Variants in VAV2 observed in about 807,000 individuals in gnomAD.
VAV2 encodes the protein vav guanine nucleotide exchange factor 2, also known as guanine nucleotide exchange factor VAV2.
Under a neutral mutation model 132.5 loss-of-function variants are expected in VAV2, and 67 were observed. The observed-to-expected ratio is 0.51, with a 90% CI of 0.42 to 0.62. The LOEUF (loss-of-function observed/expected upper bound fraction) is 0.62, where lower values mean the gene tolerates loss of function less well. Ranked by LOEUF, VAV2 falls within the 20% of genes least tolerant of loss-of-function variation. The pLI is 0.00. For synonymous variants in VAV2, 492 were observed against 443.5 expected (o/e 1.11, Z -1.37); for missense variants, 938 against 1,153.6 (o/e 0.81, Z 2.71).
At chr9:133,862,563 C>A (rs1837639698) in intron 2 of VAV2, among the ~76,000 whole-genome samples, 1 of 152,170 alleles carries the variant, frequency 6.6e-6, no homozygotes. Flanking sequence ...TGCACGGCTG[C>A]GCAGCTGTAT....
At chr9:133,925,979 T>G (rs2132090354) in intron 2 of VAV2, 1 of 106,036 alleles carries the variant, frequency 9.4e-6, no homozygotes, top group South Asian at 3.1e-4. Context: ...ATTTAAAACT[T>G]AATTAACTGT....
intron 2 of VAV2, among the ~76,000 whole-genome samples, chr9:133,889,369 G>A (rs1382785875): frequency 1.3e-5 from 2 of 152,172 alleles, no homozygotes; most frequent in Non-Finnish European, 2.9e-5. Context: ...TGGCTTTCTA[G>A]ACTGGCCTGA....
rs138063876 is a variant in VAV2, at chr9:133,791,794, T to C, written c.1177A>G (p.Ile393Val). The C allele has an allele frequency of 3.2e-5, 52 of 1,614,148 alleles. No individual in the cohort carries two copies. The highest frequency in any genetic ancestry group is 2.1e-4 in the South Asian group (19 of 91,088). Reference protein sequence around the residue: ...LRKISEFQSSIENLQVKLEEF... With the variant: ...LRKISEFQSSVENLQVKLEEF... ...TCAGTCTCACTCACCAAATTTTCTA[T>C]AGAACTCTGAAATTCGCTGATTTTC... Residue 393 changes from isoleucine to valine, a missense_variant, in exon 13 of 30, where the codon ATA (isoleucine) becomes GTA (valine). Coordinates refer to ENST00000371850, the MANE Select transcript of VAV2 (RefSeq NM_001134398.2).
intron 1 of VAV2, among the ~76,000 whole-genome samples, chr9:133,990,219 C>T (rs924075215): frequency 2.0e-5 from 3 of 152,266 alleles, no homozygotes; most frequent in Non-Finnish European, 2.9e-5. Flanking sequence ...TCCACGAGTC[C>T]GGCAGCAGGG....
intron 1 of VAV2, among the ~76,000 whole-genome samples, chr9:133,947,161 G>C (rs562000): frequency 0.41 from 62,982 of 151,970 alleles, 13,160 homozygotes; most frequent in African/African-American, 0.42. Flanking sequence ...TGCTGCTTAG[G>C]TGGCAACCTC....
rs1203915970 is a variant in VAV2, at chr9:133,863,445, T to C, written c.322-2013A>G. ...TACAGATGGAACCGGGTCGTACAGA[T>C]GGAACCGGAGACAGAGAGGAGGCGT... On this transcript the variant is annotated intron_variant, in intron 2 of 29. Transcript: ENST00000371850. The surrounding 1 kb of genome is among the most constrained non-coding windows in gnomAD (Gnocchi z 5.0). Among the ~76,000 whole-genome samples, 1 of 148,706 alleles carries C rather than the reference T, an allele frequency of 6.7e-6. No individual in the cohort carries two copies. Among genetic ancestry groups the C allele is most frequent in the South Asian group, 2.1e-4 (1 of 4,782 alleles).
intron 24 of VAV2, 62 bp downstream of exon 24, chr9:133,775,966 G>A: frequency 7.1e-6 from 11 of 1,548,830 alleles, no homozygotes; most frequent in Non-Finnish European, 9.6e-6. Context: ...AGACCCGGCG[G>A]GCATGCCCCC....
intron 2 of VAV2, among the ~76,000 whole-genome samples, chr9:133,899,269 T>G (rs1411509069): frequency 6.6e-6 from 1 of 151,302 alleles, no homozygotes; most frequent in African/African-American, 2.4e-5. Context: ...GAGCTGGGAC[T>G]CCTCAGGCCG....
At chr9:133,939,309 G>T in intron 1 of VAV2, 90 bp from the exon 2 acceptor site, 1 of 1,167,276 alleles carries the variant, frequency 8.6e-7, no homozygotes. Context: ...AGCAAGCTCT[G>T]GCTTCCGTGC....
Position 133,781,991 on chromosome 9 carries a change from C to T in VAV2, c.1724-1281G>A, listed in dbSNP as rs944725661. On this transcript the variant is annotated intron_variant, in intron 19 of 29. Coordinates refer to ENST00000371850, the MANE Select transcript of VAV2 (RefSeq NM_001134398.2). Reference sequence around the variant, plus strand: ...GAAAGCAGGACAGTGCTTGGGGCCTCGTGGCAGCTGGCTTTGCCTGGGGAT... The same window carrying T: ...GAAAGCAGGACAGTGCTTGGGGCCTTGTGGCAGCTGGCTTTGCCTGGGGAT... 3.9e-5 allele frequency among the ~76,000 whole-genome samples: 6 copies of T among 152,168 alleles called. No individual in the cohort carries two copies. In the East Asian group the frequency reaches 5.8e-4, roughly 15 times the overall value.
At chr9:133,793,161 G>A (rs912899857) in intron 12 of VAV2, among the ~76,000 whole-genome samples, 2 of 152,082 alleles carry the variant, frequency 1.3e-5, no homozygotes, top group Non-Finnish European at 2.9e-5. Flanking sequence ...TGCAATCCTC[G>A]TGCTGGCCAC....
chr9:133,825,367 C>T (rs112219309), intron 4 of VAV2, among the ~76,000 whole-genome samples: 67 of 152,266 alleles, frequency 4.4e-4, no homozygotes, highest in African/African-American at 1.4e-3. Context: ...GGCTTCATTC[C>T]GGCCTCCTTC....
At chr9:133,872,255 C>T in intron 2 of VAV2, among the ~76,000 whole-genome samples, 1 of 152,154 alleles carries the variant, frequency 6.6e-6, no homozygotes, top group East Asian at 1.9e-4. Flanking sequence ...CAGGGGCCAG[C>T]CCCAAAGAAA....
chr9:133,872,174 C>T (rs1838082274), intron 2 of VAV2, among the ~76,000 whole-genome samples: 1 of 149,178 alleles, frequency 6.7e-6, no homozygotes, highest in Admixed American at 6.6e-5. Flanking sequence ...TGTGGGGAGA[C>T]TGATCGTATG....
chr9:133,896,320 G>A (rs1185696639), intron 2 of VAV2, among the ~76,000 whole-genome samples: 1 of 152,158 alleles, frequency 6.6e-6, no homozygotes, highest in East Asian at 1.9e-4. Context: ...TGGGCATGGT[G>A]GCAGGTGCCT....
At chr9:133,839,980 C>G (rs1237101196) in intron 3 of VAV2, among the ~76,000 whole-genome samples, 1 of 152,148 alleles carries the variant, frequency 6.6e-6, no homozygotes, top group Non-Finnish European at 1.5e-5. Flanking sequence ...CCTAGCTCCA[C>G]CCCCCACTCC....
chr9:133,848,420 T>G (rs573671150), intron 3 of VAV2, among the ~76,000 whole-genome samples: 2 of 152,304 alleles, frequency 1.3e-5, no homozygotes, highest in Non-Finnish European at 2.9e-5. Context: ...AGCTCCTTTG[T>G]GTCCTAAGAG....
At chr9:133,864,321 C>G (rs868564879) in intron 2 of VAV2, among the ~76,000 whole-genome samples, 1 of 152,216 alleles carries the variant, frequency 6.6e-6, no homozygotes, top group Non-Finnish European at 1.5e-5. Flanking sequence ...TGCTGGGGAG[C>G]CCACCTGCAC....
intron 9 of VAV2, among the ~76,000 whole-genome samples, chr9:133,801,702 C>T (rs1834935293): frequency 6.6e-6 from 1 of 152,192 alleles, no homozygotes; most frequent in South Asian, 2.1e-4. Flanking sequence ...AAGGTAAGGA[C>T]TGAGATGAGG....
Sources: allele counts gnomAD v4.1 joint callset (sites outside exome capture counted in the v4.1 genomes callset), GRCh38; gene constraint gnomAD v4.1.1; non-coding constraint Gnocchi (gnomAD v3.1); transcripts MANE v1.5; gene names NCBI Gene and HGNC (gene_info 2026-07-23, HGNC 2026-07-21).